The following RBFOX1 variants were observed in gnomAD, a reference collection of about 807,000 sequenced individuals.
The protein encoded by RBFOX1 is RNA binding fox-1 homolog 1.
RBFOX1 carries 8 observed loss-of-function variants against 57.7 expected under a neutral mutation model. The observed-to-expected ratio is 0.14, with a 90% CI of 0.08 to 0.25. The LOEUF (loss-of-function observed/expected upper bound fraction) is 0.25, where lower values mean the gene tolerates loss of function less well. Ranked by LOEUF, RBFOX1 falls within the 10% of genes least tolerant of loss-of-function variation. The pLI, the probability that RBFOX1 is intolerant of heterozygous loss-of-function variation, is 1.00. For missense variants in RBFOX1, 611 were observed against 548.5 expected (o/e 1.11, Z -1.14); for synonymous variants, 326 against 222.4 (o/e 1.47, Z -4.15).
chr16:7,479,517 C>G (rs1030180229), intron 4 of RBFOX1, among the ~76,000 whole-genome samples: 2 of 152,148 alleles, frequency 1.3e-5, no homozygotes, highest in African/African-American at 4.8e-5. Flanking sequence ...GAGCTGCTGT[C>G]TATGGGAAAG....
At chr16:6,801,199 CAAAAA>C (rs200091675) in intron 3 of RBFOX1, among the ~76,000 whole-genome samples, 5 of 91,582 alleles carry the variant, frequency 5.5e-5, no homozygotes, top group East Asian at 5.6e-4. Context: ...ATTGAACATG[CAAAAA>C]AAAAAAAAAA....
intron 1 of RBFOX1, among the ~76,000 whole-genome samples, chr16:6,033,625 C>G (rs752063635): frequency 1.3e-5 from 2 of 152,174 alleles, no homozygotes; most frequent in Non-Finnish European, 2.9e-5. Context: ...TGTATTTTTT[C>G]TGCTCCACCT....
At chr16:5,519,535 G>C (rs1292502854) in intron 2 of RBFOX1, among the ~76,000 whole-genome samples, 1 of 152,178 alleles carries the variant, frequency 6.6e-6, no homozygotes. Context: ...ATCAGCCTGG[G>C]CAACCAGGGG....
intron 1 of RBFOX1, among the ~76,000 whole-genome samples, chr16:6,110,758 T>G (rs1328989031): frequency 6.6e-6 from 1 of 152,154 alleles, no homozygotes; most frequent in Non-Finnish European, 1.5e-5. Context: ...CAGAGGACAC[T>G]AGGCCATGCC....
intron 1 of RBFOX1, among the ~76,000 whole-genome samples, chr16:6,160,953 T>A (rs199815597): frequency 6.6e-6 from 1 of 152,320 alleles, no homozygotes; most frequent in East Asian, 1.9e-4. Context: ...ATTCGCCCCT[T>A]GTTCATTTGT....
At chr16:6,768,094 C>T (rs140380672) in intron 3 of RBFOX1, among the ~76,000 whole-genome samples, 1,838 of 151,152 alleles carry the variant, frequency 0.012, 43 homozygotes, top group African/African-American at 0.042. Context: ...AATATGAATC[C>T]ACTGATAAAG....
chr16:6,863,098 T>G (rs147936853), intron 3 of RBFOX1, among the ~76,000 whole-genome samples: 2 of 152,154 alleles, frequency 1.3e-5, no homozygotes, highest in African/African-American at 4.8e-5. Flanking sequence ...TGGAAGGATT[T>G]TTACAGATTA....
intron 1 of RBFOX1, among the ~76,000 whole-genome samples, chr16:6,296,554 G>A (rs954735393): frequency 6.6e-6 from 1 of 151,984 alleles, no homozygotes; most frequent in Non-Finnish European, 1.5e-5. Context: ...CCGTGTAGCT[G>A]GGACTACAGG....
At chr16:6,325,224 T>C (rs1424767162) in intron 2 of RBFOX1, among the ~76,000 whole-genome samples, 1 of 152,020 alleles carries the variant, frequency 6.6e-6, no homozygotes, top group Non-Finnish European at 1.5e-5. Flanking sequence ...CCAGGCATGG[T>C]GGTGTGCACC....
At chr16:7,320,243 T>A (rs55870430) in intron 4 of RBFOX1, among the ~76,000 whole-genome samples, 1 of 151,268 alleles carries the variant, frequency 6.6e-6, no homozygotes, top group Non-Finnish European at 1.5e-5. Context: ...CACCACCCCC[T>A]ACAGGCCCCA....
At chr16:6,609,619 T>G (rs1209679309) in intron 2 of RBFOX1, among the ~76,000 whole-genome samples, 1 of 152,216 alleles carries the variant, frequency 6.6e-6, no homozygotes, top group African/African-American at 2.4e-5. Context: ...TTTATTTCTT[T>G]ACTGGATTAG....
intron 5 of RBFOX1, among the ~76,000 whole-genome samples, chr16:7,541,300 C>T (rs541183404): frequency 6.6e-6 from 1 of 152,312 alleles, no homozygotes; most frequent in East Asian, 1.9e-4. Flanking sequence ...AGTGTCTACC[C>T]TTTGTTGGCT....
At chr16:5,364,724 A>G (rs28428975) in intron 1 of RBFOX1, among the ~76,000 whole-genome samples, 4,768 of 152,348 alleles carry the variant, frequency 0.031, 108 homozygotes, top group Middle Eastern at 0.078. Context: ...AACAGTGAAT[A>G]GAACAAAGGT....
At chr16:5,905,060 G>A (rs1349366366) in intron 4 of RBFOX1, among the ~76,000 whole-genome samples, 3 of 130,746 alleles carry the variant, frequency 2.3e-5, no homozygotes, top group Non-Finnish European at 4.7e-5. Flanking sequence ...CCATATGACT[G>A]GTGCTTTTTT....
chr16:5,618,087 A>C (rs980925411), intron 3 of RBFOX1, among the ~76,000 whole-genome samples: 3 of 152,212 alleles, frequency 2.0e-5, no homozygotes, highest in African/African-American at 7.2e-5. Flanking sequence ...TCTCTGGATT[A>C]CTACCACTCA....
At chr16:5,305,962 C>T (rs187203144) in intron 1 of RBFOX1, among the ~76,000 whole-genome samples, 1 of 152,290 alleles carries the variant, frequency 6.6e-6, no homozygotes, top group East Asian at 1.9e-4. Context: ...AGGCCGGAGG[C>T]AGCAGGATTG....
chr16:7,638,750 C>A (rs2062220336), intron 11 of RBFOX1, among the ~76,000 whole-genome samples: 1 of 152,144 alleles, frequency 6.6e-6, no homozygotes, highest in Non-Finnish European at 1.5e-5. Context: ...TAGGTTGAAA[C>A]ATGAATGAAT....
chr16:7,349,238 C>T (rs1334690253), intron 4 of RBFOX1, among the ~76,000 whole-genome samples: 1 of 152,126 alleles, frequency 6.6e-6, no homozygotes, highest in African/African-American at 2.4e-5. Context: ...TCCTGGCAGC[C>T]TTCTATCACA....
chr16:5,536,516 G>A (rs1486409468), intron 2 of RBFOX1, among the ~76,000 whole-genome samples: 1 of 152,114 alleles, frequency 6.6e-6, no homozygotes, highest in Non-Finnish European at 1.5e-5. Context: ...GATTACAGGT[G>A]TGAGCCAGCG....
Sources: gnomAD v4.1 joint callset for allele counts (sites outside exome capture counted in the v4.1 genomes callset) on GRCh38, gnomAD v4.1.1 for gene constraint, MANE v1.5 for transcripts, NCBI Gene and HGNC (gene_info 2026-07-23, HGNC 2026-07-21) for gene names.